Variants in MACO1 observed in about 807,000 individuals in gnomAD.
MACO1 encodes macoilin 1, also known as macoilin.
In MACO1, 14 loss-of-function variants were observed where a neutral mutation model predicts 78.7. The ratio of observed to expected loss-of-function variants is 0.18; its 90% CI spans 0.12 to 0.28. The LOEUF (loss-of-function observed/expected upper bound fraction) is 0.28, where lower values mean the gene tolerates loss of function less well. Ranked by LOEUF, MACO1 falls within the 10% of genes least tolerant of loss-of-function variation. MACO1 has a pLI of 1.00. For synonymous variants in MACO1, 288 were observed against 291.6 expected, an observed-to-expected ratio of 0.99 and a Z score of 0.12; for missense variants, 501 against 799.0, an observed-to-expected ratio of 0.63 and a Z score of 4.50.
chr1:25,484,282 C>A lies in MACO1; in HGVS notation c.1313+8C>A. ...CGAGCTGCTGCAGAACAAGTACGTG[C>A]ACCTTTCAGGCCTTTGGCCGTAAGC... On this transcript the variant is annotated splice_region_variant and intron_variant, in intron 7 of 10. Coordinates refer to ENST00000374343, the MANE Select transcript of MACO1 (RefSeq NM_018202.6). 1 of 1,600,390 alleles carries A rather than the reference C, an allele frequency of 6.2e-7. No homozygotes were observed. The highest frequency in any genetic ancestry group is 1.1e-5 in the South Asian group (1 of 88,758).
intron 3 of MACO1, among the ~76,000 whole-genome samples, chr1:25,453,430 G>A: frequency 6.6e-6 from 1 of 151,222 alleles, no homozygotes; most frequent in African/African-American, 2.4e-5. Flanking sequence ...TTGGGAGGCT[G>A]AGGTGGGCGG....
intron 1 of MACO1, among the ~76,000 whole-genome samples, chr1:25,445,640 A>T: frequency 6.6e-6 from 1 of 150,770 alleles, no homozygotes; most frequent in Non-Finnish European, 1.5e-5. Flanking sequence ...CAAGTATGTA[A>T]GTCTTTTGTA....
intron 6 of MACO1, among the ~76,000 whole-genome samples, chr1:25,463,720 T>G (rs896086703): frequency 2.0e-5 from 3 of 152,242 alleles, no homozygotes; most frequent in African/African-American, 7.2e-5. Flanking sequence ...ATTACAATTT[T>G]AGATAAAGGA....
intron 6 of MACO1, among the ~76,000 whole-genome samples, chr1:25,461,580 C>G (rs1177846328): frequency 1.3e-5 from 2 of 151,380 alleles, no homozygotes; most frequent in Admixed American, 1.3e-4. Context: ...TCCTTCCCCC[C>G]CCTCAAAAAA....
chr1:25,467,882 G>T (rs367692891), intron 6 of MACO1, among the ~76,000 whole-genome samples: 82 of 152,194 alleles, frequency 5.4e-4, no homozygotes, highest in African/African-American at 2.0e-3. Flanking sequence ...GGGTGACGGT[G>T]CCAGGACCAG....
intron 6 of MACO1, among the ~76,000 whole-genome samples, chr1:25,483,515 T>G (rs993949899): frequency 1.3e-5 from 2 of 152,220 alleles, no homozygotes; most frequent in Non-Finnish European, 2.9e-5. Flanking sequence ...TCTCTTATGA[T>G]TCTTAGAGCA....
intron 1 of MACO1, among the ~76,000 whole-genome samples, chr1:25,437,298 C>CT (rs1173305681): frequency 0.046 from 2,983 of 65,232 alleles, 73 homozygotes; most frequent in African/African-American, 0.062. Context: ...CCATGCCTGG[C>CT]TTTTTTTTTT....
chr1:25,431,104 G>A lies in MACO1; in HGVS notation c.6G>A (p.Lys2=), dbSNP rs2042860164. The part of the protein sequence containing the change: M[K]RRNADCSKLR... The stretch of plus-strand genomic sequence containing the variant: ...CCCGGCCCCCCAGCGGGAGGATGAA[G>A]CGGCGGAACGCCGACTGCAGTAAGC... The change falls in exon 1 of 11, where the codon AAG becomes AAA. Residue 2 remains lysine (K), a synonymous_variant. Coordinates refer to ENST00000374343, the MANE Select transcript of MACO1 (RefSeq NM_018202.6). 2 of 1,591,448 alleles carry A rather than the reference G, an allele frequency of 1.3e-6. No individual in the cohort carries two copies. Among genetic ancestry groups the A allele is most frequent in the East Asian group, 2.3e-5 (1 of 42,680 alleles).
At position 25,436,416 on chromosome 1, in the gene MACO1, ACTTTT is replaced by A. The variant is rs953441566; in HGVS notation, c.80+5242_80+5246del. Among the ~76,000 whole-genome samples, 33 of 152,156 alleles carry A rather than the reference ACTTTT, an allele frequency of 2.2e-4. 1 individual carries two copies. Among genetic ancestry groups the A allele is most frequent in the South Asian group, 8.3e-4 (4 of 4,828 alleles). On this transcript the variant is annotated intron_variant, in intron 1 of 10. Transcript: ENST00000374343. ...TTAAGTGAAATACTGTAATTAGGTT[ACTTTT>A]CTTCATAAAATTTAGTGTGCTCTTC...
At chr1:25,480,339 G>A (rs2043360284) in intron 6 of MACO1, among the ~76,000 whole-genome samples, 1 of 152,196 alleles carries the variant, frequency 6.6e-6, no homozygotes, top group African/African-American at 2.4e-5. Flanking sequence ...GCTTGCTGCA[G>A]CAGTTTGGAA....
At chr1:25,447,115 G>A (rs2043022830) in intron 2 of MACO1, among the ~76,000 whole-genome samples, 2 of 152,164 alleles carry the variant, frequency 1.3e-5, no homozygotes, top group African/African-American at 4.8e-5. Context: ...AGTGGAGGAA[G>A]CAATAATTAC....
In MACO1 at chr1:25,485,947, T is replaced by G; in HGVS notation, c.1496+152T>G. 1.2e-6 allele frequency: 1 copy of G among 814,064 alleles called. No homozygotes were observed. Among genetic ancestry groups the G allele is most frequent in the South Asian group, 1.9e-5 (1 of 53,796 alleles). The allele number at this position is 814,064 out of a possible 1,614,324, so 50.4% of individuals were successfully genotyped here. A position where few individuals can be genotyped will look rare whatever the true frequency, so the allele number is the denominator to read the frequency against. ...TACTGTTTTATTAACTGGTTTAAAC[T>G]CCATGTGTGCAAGCTTGCACTATCT... On this transcript the variant is annotated intron_variant, in intron 8 of 10. Coordinates refer to ENST00000374343, the MANE Select transcript of MACO1 (RefSeq NM_018202.6). The surrounding 1 kb of genome is among the most constrained non-coding windows in gnomAD (Gnocchi z 4.3).
intron 4 of MACO1, 108 bp downstream of exon 4, chr1:25,454,490 T>TATATATA (rs1303883838): frequency 2.9e-5 from 4 of 139,504 alleles, no homozygotes; most frequent in Admixed American, 1.4e-4. Context: ...ATATATATAT[T>TATATATA]TTTTTTTTTT....
chr1:25,455,962 T>G (rs2043116238), intron 4 of MACO1, among the ~76,000 whole-genome samples: 2 of 151,976 alleles, frequency 1.3e-5, no homozygotes, highest in South Asian at 4.2e-4. Context: ...ACCCTTTTAG[T>G]TTTTAAAAGC....
At chr1:25,489,120 C>T (rs1197216255) in intron 8 of MACO1, 53 bp from the exon 9 acceptor site, 2 of 1,576,430 alleles carry the variant, frequency 1.3e-6, no homozygotes, top group Non-Finnish European at 1.7e-6. Flanking sequence ...AGGGCCCAGC[C>T]CCAACCTATA....
At chr1:25,455,954 C>G (rs1041244004) in intron 4 of MACO1, among the ~76,000 whole-genome samples, 1 of 151,826 alleles carries the variant, frequency 6.6e-6, no homozygotes, top group South Asian at 2.1e-4. Context: ...AAGTCTCTAC[C>G]CTTTTAGTTT....
At chr1:25,465,721 T>C (rs1021657501) in intron 6 of MACO1, among the ~76,000 whole-genome samples, 5 of 152,230 alleles carry the variant, frequency 3.3e-5, no homozygotes, top group African/African-American at 1.2e-4. Flanking sequence ...CCAAATAATA[T>C]ACATTTTACC....
At chr1:25,488,740 C>T (rs982123315) in intron 8 of MACO1, among the ~76,000 whole-genome samples, 15 of 152,190 alleles carry the variant, frequency 9.9e-5, no homozygotes, top group Non-Finnish European at 2.2e-4. Flanking sequence ...CTGCCTTGGC[C>T]TCCCAAATTG....
intron 1 of MACO1, among the ~76,000 whole-genome samples, chr1:25,439,724 TA>T: frequency 6.6e-6 from 1 of 151,814 alleles, no homozygotes; most frequent in Non-Finnish European, 1.5e-5. Flanking sequence ...TTTACACTCT[TA>T]AAAATGATTG....
Sources: allele counts gnomAD v4.1 joint callset (sites outside exome capture counted in the v4.1 genomes callset), GRCh38; gene constraint gnomAD v4.1.1; non-coding constraint Gnocchi (gnomAD v3.1); transcripts MANE v1.5; gene names NCBI Gene and HGNC (gene_info 2026-07-23, HGNC 2026-07-21).